Variants in RADIL observed in about 807,000 individuals in gnomAD.
RADIL encodes Rap associating with DIL domain, also known as ras-associating and dilute domain-containing protein.
Under a neutral mutation model 97.6 loss-of-function variants are expected in RADIL, and 99 were observed. The ratio of observed to expected loss-of-function variants is 1.01; its 90% CI spans 0.86 to 1.20. The LOEUF (loss-of-function observed/expected upper bound fraction) is 1.20, where lower values mean the gene tolerates loss of function less well. RADIL is among the 50% of genes most tolerant of loss of function. The probability of loss-of-function intolerance (pLI) is 0.00; values close to 1 mark genes in which losing one functional copy is unlikely to be tolerated. For missense variants in RADIL, 1,765 were observed against 1,498.9 expected (o/e 1.18, Z -2.93); for synonymous variants, 803 against 691.8 (o/e 1.16, Z -2.52).
intron 12 of RADIL, among the ~76,000 whole-genome samples, chr7:4,800,783 T>C (rs1562423937): frequency 6.6e-6 from 1 of 152,134 alleles, no homozygotes; most frequent in East Asian, 1.9e-4. Context: ...TCCATAATGG[T>C]GATCCTGCCG....
Position 4,818,478 on chromosome 7 carries a change from C to T in RADIL, c.1616-1127G>A, listed in dbSNP as rs1348930839. 1.3e-5 allele frequency among the ~76,000 whole-genome samples: 2 copies of T among 152,178 alleles called. No homozygotes were observed. The highest frequency in any genetic ancestry group is 2.9e-5 in the Non-Finnish European group (2 of 68,026). On this transcript the variant is annotated intron_variant, in intron 6 of 14. Coordinates refer to ENST00000399583, the MANE Select transcript of RADIL (RefSeq NM_018059.5). The surrounding 1 kb of genome is among the most constrained non-coding windows in gnomAD (Gnocchi z 7.1). ...CCGCTCCCCAAGAACCTGTGAAGCC[C>T]CCCAGTGCCTGCCCCACAGGGTCAC...
In RADIL at chr7:4,808,635, C is replaced by T. The variant is rs1583268544; in HGVS notation, c.2140-2919G>A. The T allele has an allele frequency of 5.2e-6, 5 of 952,780 alleles. No individual in the cohort carries two copies. The African/African-American group carries it at 5.3e-5, about 10-fold the overall frequency. The allele number at this position is 952,780 out of a possible 1,614,324, so 59.0% of individuals were successfully genotyped here. ...AGAAGCAGCCCCGCGGCCCTGGTCT[C>T]TCCTTCCAACGCCACTGCCCCTCCG... On this transcript the variant is annotated intron_variant, in intron 9 of 14. Transcript: ENST00000399583.
At chr7:4,875,149 G>A (rs1450180549) in intron 2 of RADIL, among the ~76,000 whole-genome samples, 13 of 141,512 alleles carry the variant, frequency 9.2e-5, no homozygotes, top group African/African-American at 3.7e-4. Flanking sequence ...CCGAGATTGT[G>A]CCACTGCACT....
intron 5 of RADIL, among the ~76,000 whole-genome samples, chr7:4,828,026 G>A (rs1357707234): frequency 6.6e-6 from 1 of 152,084 alleles, no homozygotes; most frequent in Non-Finnish European, 1.5e-5. Context: ...AAAACCACGA[G>A]ACGCCACCTC....
In RADIL at chr7:4,797,197, C is replaced by T. The variant is rs73307305; in HGVS notation, c.*2181G>A. 0.14 allele frequency: 21,040 copies of T among 152,284 alleles called. 2,946 individuals carry two copies. Among genetic ancestry groups the T allele is most frequent in the African/African-American group, 0.36 (15,054 of 41,470 alleles). The allele number at this position is 152,284 out of a possible 1,614,324, so 9.4% of individuals were successfully genotyped here. On this transcript the variant is annotated 3_prime_UTR_variant, in exon 15 of 15. Coordinates refer to ENST00000399583, the MANE Select transcript of RADIL (RefSeq NM_018059.5). The stretch of plus-strand genomic sequence containing the variant: ...AGCCAGTGGCAGCCCTCACCAGTCC[C>T]GCACCTCAGCTAGGTGCTTCAGCGG...
chr7:4,867,912 G>A lies in RADIL; in HGVS notation c.535+9693C>T, dbSNP rs1046104035. Among the ~76,000 whole-genome samples the A allele has an allele frequency of 2.0e-5, 3 of 152,242 alleles. No homozygotes were observed. Among genetic ancestry groups the A allele is most frequent in the African/African-American group, 7.2e-5 (3 of 41,466 alleles). ...AACCCATGGCCACACAAAGCAGAGAGAAGCTTGGCCCTTTCTCTGCACTTA... is the reference window on the plus strand; with the variant it reads ...AACCCATGGCCACACAAAGCAGAGAAAAGCTTGGCCCTTTCTCTGCACTTA... On this transcript the variant is annotated intron_variant, in intron 2 of 14. Coordinates refer to ENST00000399583, the MANE Select transcript of RADIL (RefSeq NM_018059.5). This position sits in a 1 kb window ranked among gnomAD's most constrained non-coding sequence, Gnocchi z 4.1.
At chr7:4,836,712 G>T in intron 2 of RADIL, 107 bp from the exon 3 acceptor site, 1 of 1,459,946 alleles carries the variant, frequency 6.8e-7, no homozygotes, top group Admixed American at 2.1e-5. Context: ...CCGAGGTGGG[G>T]GGATCGCCTG....
Position 4,822,552 on chromosome 7 carries a change from T to C in RADIL, c.1457A>G (p.Gln486Arg). ...KELAEKQAQL[Q>R]EPISLASCAM... ...GCAGCTGGCCAGCGAGATGGGCTCC[T>C]GGCTACCAAGACAGAAAGACTAAGA... The change falls in exon 6 of 15, where the codon CAG becomes CGG. Residue 486 changes from glutamine to arginine, a missense_variant and splice_region_variant. Gln to Arg is a conservative substitution (Grantham distance 43). Coordinates refer to ENST00000399583, the MANE Select transcript of RADIL (RefSeq NM_018059.5). The surrounding 1 kb of genome is among the most constrained non-coding windows in gnomAD (Gnocchi z 5.3). 3.1e-6 allele frequency: 5 copies of C among 1,612,644 alleles called. No individual in the cohort carries two copies. Among genetic ancestry groups the C allele is most frequent in the Non-Finnish European group, 3.4e-6 (4 of 1,179,824 alleles).
At chr7:4,861,317 A>G in intron 2 of RADIL, 1 of 1,613,952 alleles carries the variant, frequency 6.2e-7, no homozygotes, top group Non-Finnish European at 8.5e-7. Context: ...ATCAATCTCT[A>G]TCCCATCAAA....
intron 2 of RADIL, among the ~76,000 whole-genome samples, chr7:4,841,240 A>G (rs969575327): frequency 6.6e-6 from 1 of 151,636 alleles, no homozygotes; most frequent in Admixed American, 6.6e-5. Flanking sequence ...CGTCTTCTTC[A>G]AGGACCCCTG....
At chr7:4,860,896 T>C (rs777043398) in intron 2 of RADIL, 1 of 1,614,240 alleles carries the variant, frequency 6.2e-7, no homozygotes, top group East Asian at 2.2e-5. Flanking sequence ...CACTGGGATT[T>C]ACTCTTGGGT....
rs1313371125 is a variant in RADIL, at chr7:4,798,164, T to C, written c.*1214A>G. The C allele has an allele frequency of 6.6e-6, 1 of 150,562 alleles. No individual in the cohort carries two copies. Among genetic ancestry groups the C allele is most frequent in the African/African-American group, 2.4e-5 (1 of 40,994 alleles). 9.3% of individuals were successfully genotyped at this position (150,562 alleles called of 1,614,324 possible). ...ATATATATATATATATTTTATCCAG[T>C]ATTTTGGGAACCTGGCAGTGGTCGC... is the stretch of plus-strand genomic sequence containing the variant. On this transcript the variant is annotated 3_prime_UTR_variant, in exon 15 of 15. Coordinates refer to ENST00000399583, the MANE Select transcript of RADIL (RefSeq NM_018059.5).
At position 4,831,133 on chromosome 7, in the gene RADIL, G is replaced by A. The variant is rs1344699525; in HGVS notation, c.1454+1008C>T. On this transcript the variant is annotated intron_variant, in intron 5 of 14. Coordinates refer to ENST00000399583, the MANE Select transcript of RADIL (RefSeq NM_018059.5). ...TCGAACCTGAGAGGTGGAGGTTGCC[G>A]TGAGCCGAGATCTCATTATTGCACT... Among the ~76,000 whole-genome samples, 13 of 151,462 alleles carry A rather than the reference G, an allele frequency of 8.6e-5. No individual in the cohort carries two copies. The South Asian group carries it at 1.0e-3, about 12-fold the overall frequency.
In RADIL at chr7:4,840,173, G is replaced by C. The variant is rs1457371724; in HGVS notation, c.536-3568C>G. On this transcript the variant is annotated intron_variant, in intron 2 of 14. Transcript: ENST00000399583. The surrounding 1 kb of genome is among the most constrained non-coding windows in gnomAD (Gnocchi z 5.6). ...GATGGGACCCAGCACTCTGCTCCCA[G>C]GGGGTCGGCTGTCAGGCTTGTTGGG... Among the ~76,000 whole-genome samples, 3 of 152,186 alleles carry C rather than the reference G, an allele frequency of 2.0e-5. No homozygotes were observed. Among genetic ancestry groups the C allele is most frequent in the Non-Finnish European group, 2.9e-5 (2 of 68,030 alleles).
rs374612684 is a variant in RADIL, at chr7:4,816,437, A to G, written c.1757T>C (p.Leu586Pro). Residue 586 changes from leucine (L) to proline (P), a missense_variant, in exon 8 of 15, where the codon CTG (leucine) becomes CCG (proline). Transcript: ENST00000399583. ...CTCCGTCTGGAATGGCGGGCACTCC[A>G]GGAGTGCCGGGAGGCAGATGTACAG... ...KSLYICLPALLECPPFQTERR... is the reference protein window; with the variant it reads ...KSLYICLPALPECPPFQTERR... The G allele has an allele frequency of 1.5e-5, 24 of 1,607,330 alleles. No individual in the cohort carries two copies. Among genetic ancestry groups the G allele is most frequent in the Middle Eastern group, 1.8e-4 (1 of 5,572 alleles).
At chr7:4,850,861 G>A (rs1783691893) in intron 2 of RADIL, among the ~76,000 whole-genome samples, 2 of 152,168 alleles carry the variant, frequency 1.3e-5, no homozygotes, top group Non-Finnish European at 2.9e-5. Flanking sequence ...GAAAACGTAA[G>A]TTAAATAGTA....
In RADIL at chr7:4,822,488, A is replaced by C. The variant is rs1476465383; in HGVS notation, c.1521T>G (p.Leu507=). ...GCTCGATGGAGTTAGACATCCAGAAAAGAATGGGCTGCAAGTCTGGAACCA... is the reference window on the plus strand; with the variant it reads ...GCTCGATGGAGTTAGACATCCAGAACAGAATGGGCTGCAAGTCTGGAACCA... The part of the protein sequence containing the change: ...ADLVPDLQPI[L]FWMSNSIELL... Residue 507 remains leucine, a synonymous_variant, in exon 6 of 15, where the codon CTT becomes CTG. Coordinates refer to ENST00000399583, the MANE Select transcript of RADIL (RefSeq NM_018059.5). The surrounding 1 kb of genome is among the most constrained non-coding windows in gnomAD (Gnocchi z 5.3). 11 of 1,612,982 alleles carry C rather than the reference A, an allele frequency of 6.8e-6. No individual in the cohort carries two copies. Among genetic ancestry groups the C allele is most frequent in the Non-Finnish European group, 8.5e-6 (10 of 1,180,012 alleles).
At chr7:4,811,777 G>A (rs563483645) in intron 9 of RADIL, among the ~76,000 whole-genome samples, 3 of 151,602 alleles carry the variant, frequency 2.0e-5, no homozygotes, top group South Asian at 2.1e-4. Context: ...GTGAGCCACC[G>A]CGCCTGGCCT....
In RADIL at chr7:4,827,621, A is replaced by G. The variant is rs550236424; in HGVS notation, c.1454+4520T>C. On this transcript the variant is annotated intron_variant, in intron 5 of 14. Transcript: ENST00000399583. Reference sequence around the variant, plus strand: ...GGTTGCAGTGAGCCGAGATCGTGCCACTGTACTCCAGCCTGGGGGACAGGG... The same window carrying G: ...GGTTGCAGTGAGCCGAGATCGTGCCGCTGTACTCCAGCCTGGGGGACAGGG... Among the ~76,000 whole-genome samples, 273 of 152,342 alleles carry G rather than the reference A, an allele frequency of 1.8e-3. 1 individual carries two copies. Among genetic ancestry groups the G allele is most frequent in the African/African-American group, 5.3e-3 (222 of 41,574 alleles).
Sources: allele counts gnomAD v4.1 joint callset (sites outside exome capture counted in the v4.1 genomes callset), GRCh38; gene constraint gnomAD v4.1.1; non-coding constraint Gnocchi (gnomAD v3.1); transcripts MANE v1.5; gene names NCBI Gene and HGNC (gene_info 2026-07-23, HGNC 2026-07-21).